Variants in PCDHA6 observed in about 807,000 individuals in gnomAD.
The protein encoded by PCDHA6 is protocadherin alpha 6.
PCDHA6 carries 55 observed loss-of-function variants against 60.3 expected under a neutral mutation model. That is an observed-to-expected ratio of 0.91 (90% CI 0.73 to 1.14). The LOEUF (loss-of-function observed/expected upper bound fraction) is 1.14, where lower values mean the gene tolerates loss of function less well. Among genes scored for constraint, PCDHA6 ranks in the 50% most tolerant of loss-of-function variants. The probability of loss-of-function intolerance (pLI) is 0.00; values close to 1 mark genes in which losing one functional copy is unlikely to be tolerated. For missense variants in PCDHA6, 1,327 were observed against 1,256.5 expected (o/e 1.06, Z -0.85); for synonymous variants, 652 against 557.9 (o/e 1.17, Z -2.38).
At chr5:140,978,713 A>G (rs2096819329) in intron 1 of PCDHA6, among the ~76,000 whole-genome samples, 1 of 152,272 alleles carries the variant, frequency 6.6e-6, no homozygotes, top group Admixed American at 6.5e-5. Flanking sequence ...GGCCTTTACA[A>G]GATTATTAAA....
At chr5:140,978,896 G>T in intron 1 of PCDHA6, 53 bp from the exon 2 acceptor site, 1 of 1,612,808 alleles carries the variant, frequency 6.2e-7, no homozygotes, top group South Asian at 1.1e-5. Context: ...CAGCATTCCT[G>T]GGAGAACATT....
rs1232327422 is a variant in PCDHA6, at chr5:140,841,830, A to G, written c.2394+11345A>G. On this transcript the variant is annotated intron_variant, in intron 1 of 3. Transcript: ENST00000529310. ...GTTGGAGCTAACTCCGTGTTAACCT[A>G]CAGGCTTAGCTCTCATGATTACTTC... 5.6e-6 allele frequency: 9 copies of G among 1,613,794 alleles called. No individual in the cohort carries two copies. In the South Asian group the frequency reaches 7.7e-5, roughly 14 times the overall value.
intron 1 of PCDHA6, chr5:140,968,479 C>T (rs2096250195): frequency 1.2e-6 from 2 of 1,614,010 alleles, no homozygotes; most frequent in South Asian, 2.2e-5. Flanking sequence ...ATGTGGTGGA[C>T]ATGAATGACC....
At chr5:140,876,616 A>C (rs2056459535) in intron 1 of PCDHA6, 1 of 1,614,196 alleles carries the variant, frequency 6.2e-7, no homozygotes, top group Non-Finnish European at 8.5e-7. Flanking sequence ...CTCTGGAGCC[A>C]ATGGACAGGT....
chr5:140,846,229 T>C (rs1166020827), intron 1 of PCDHA6, among the ~76,000 whole-genome samples: 1 of 149,582 alleles, frequency 6.7e-6, no homozygotes, highest in Non-Finnish European at 1.5e-5. Context: ...GTATTTTTCT[T>C]AAAAAGAAGT....
chr5:140,836,890 G>A (rs1554136343), intron 1 of PCDHA6: 1 of 634,180 alleles, frequency 1.6e-6, no homozygotes, highest in East Asian at 2.9e-5. Flanking sequence ...TAATTATTTG[G>A]AAGTACGTTT....
intron 1 of PCDHA6, chr5:140,967,776 C>T: frequency 1.2e-6 from 2 of 1,614,148 alleles, no homozygotes; most frequent in East Asian, 2.2e-5. Flanking sequence ...TATGTGCAGG[C>T]GACTGACCGG....
At chr5:140,904,270 G>A (rs374052783) in intron 1 of PCDHA6, among the ~76,000 whole-genome samples, 3 of 152,068 alleles carry the variant, frequency 2.0e-5, no homozygotes, top group East Asian at 3.9e-4. Context: ...ACTTATGAAT[G>A]AGAACATGTG....
At chr5:140,912,130 T>A (rs1554195167) in intron 1 of PCDHA6, among the ~76,000 whole-genome samples, 1 of 152,156 alleles carries the variant, frequency 6.6e-6, no homozygotes, top group Non-Finnish European at 1.5e-5. Flanking sequence ...GTCAGTCTAA[T>A]CTCTCCATGT....
At chr5:140,844,817 G>C (rs1468939378) in intron 1 of PCDHA6, among the ~76,000 whole-genome samples, 1 of 148,814 alleles carries the variant, frequency 6.7e-6, no homozygotes. Flanking sequence ...ATTTCTTCTT[G>C]TCTTTTTACA....
intron 1 of PCDHA6, among the ~76,000 whole-genome samples, chr5:140,916,342 T>C (rs1365738177): frequency 2.0e-5 from 3 of 152,122 alleles, no homozygotes; most frequent in Admixed American, 6.5e-5. Context: ...TTCCTCTGTT[T>C]CTGTCAAACA....
intron 3 of PCDHA6, among the ~76,000 whole-genome samples, chr5:140,991,523 T>A (rs73268060): frequency 0.032 from 4,843 of 152,294 alleles, 263 homozygotes; most frequent in African/African-American, 0.11. Flanking sequence ...CAAGGTGTGT[T>A]CTTGCCACTA....
rs146702581 is a variant in PCDHA6 at position 140,929,720 on chromosome 5, C to T, written c.2395-49229C>T. ...TATGAATATAATATGGAAGGTGAAA[C>T]ATTTACTTAAACTATTGCAATGCAT... On this transcript the variant is annotated intron_variant, in intron 1 of 3. Coordinates refer to ENST00000529310, the MANE Select transcript of PCDHA6 (RefSeq NM_018909.4). The T allele has an allele frequency of 2.8e-3, 635 of 224,158 alleles. 4 individuals are homozygous for T. The highest frequency in any genetic ancestry group is 6.2e-3 in the African/African-American group (270 of 43,802). 13.9% of individuals were successfully genotyped at this position (224,158 alleles called of 1,614,324 possible).
chr5:140,871,668 T>G (rs2053250173), intron 1 of PCDHA6: 6 of 1,174,012 alleles, frequency 5.1e-6, no homozygotes, highest in Non-Finnish European at 7.0e-6. Context: ...CTTCAGTCTT[T>G]TAATCATATG....
chr5:140,869,428 A>T, intron 1 of PCDHA6: 1 of 1,614,214 alleles, frequency 6.2e-7, no homozygotes, highest in Non-Finnish European at 8.5e-7. Context: ...CCTGGAGGTG[A>T]TCGTGGACAG....
chr5:140,925,640 G>GAA (rs1554202829), intron 1 of PCDHA6, among the ~76,000 whole-genome samples: 1 of 75,086 alleles, frequency 1.3e-5, no homozygotes, highest in Non-Finnish European at 2.8e-5. Context: ...AGAACTTAAA[G>GAA]TATAATAATA....
At chr5:140,900,438 C>G (rs573115268) in intron 1 of PCDHA6, among the ~76,000 whole-genome samples, 1 of 152,116 alleles carries the variant, frequency 6.6e-6, no homozygotes, top group East Asian at 1.9e-4. Context: ...CCACCACGGC[C>G]GGCTAATTTT....
At chr5:140,864,340 A>ACAT (rs1554158797) in intron 1 of PCDHA6, 2 of 152,232 alleles carry the variant, frequency 1.3e-5, no homozygotes, top group African/African-American at 4.8e-5. Flanking sequence ...TTGAGTTTAA[A>ACAT]ACATGTTTAA....
At chr5:140,966,488 C>A (rs1161799910) in intron 1 of PCDHA6, 8 of 440,132 alleles carry the variant, frequency 1.8e-5, no homozygotes, top group Admixed American at 8.7e-5. Flanking sequence ...TTTCCCTCCC[C>A]CTGGAGCTGT....
Sources: gnomAD v4.1 joint callset for allele counts (sites outside exome capture counted in the v4.1 genomes callset) on GRCh38, gnomAD v4.1.1 for gene constraint, MANE v1.5 for transcripts, NCBI Gene and HGNC (gene_info 2026-07-23, HGNC 2026-07-21) for gene names.